Variants in MORN1 observed in about 807,000 individuals in gnomAD.
MORN1 encodes the protein MORN repeat-containing protein 1.
MORN1 carries 67 observed loss-of-function variants against 61.9 expected under a neutral mutation model. That is an observed-to-expected ratio of 1.08 (90% CI 0.89 to 1.33). The LOEUF is 1.33. Among genes scored for constraint, MORN1 ranks in the 40% most tolerant of loss-of-function variants. The pLI is 0.00. For missense variants in MORN1, 752 were observed against 691.2 expected (o/e 1.09, Z -0.99); for synonymous variants, 301 against 292.0 (o/e 1.03, Z -0.31).
At position 2,322,944 on chromosome 1, in the gene MORN1, C is replaced by G. The variant is rs930820067; in HGVS notation, c.1297+1153G>C. ...GCCACGTGATCTAGCCCTGGGCCAG[C>G]TCTCACTTAGGGCCTCGGCCATACG... is the stretch of plus-strand genomic sequence containing the variant. On this transcript the variant is annotated intron_variant, in intron 13 of 13. Transcript: ENST00000378531. The G allele has an allele frequency of 3.0e-6, 3 of 985,310 alleles. No homozygotes were observed. The African/African-American group carries it at 5.2e-5, about 17-fold the overall frequency. 61.0% of individuals were successfully genotyped at this position (985,310 alleles called of 1,614,324 possible). A position where few individuals can be genotyped will look rare whatever the true frequency, so the allele number is the denominator to read the frequency against.
At chr1:2,327,269 AAC>A (rs1404336748) in intron 12 of MORN1, among the ~76,000 whole-genome samples, 1 of 147,798 alleles carries the variant, frequency 6.8e-6, no homozygotes, top group Non-Finnish European at 1.5e-5. Flanking sequence ...CACAGAAACA[AAC>A]ACAGAGACAC....
chr1:2,330,053 A>G (rs1024181214), intron 12 of MORN1, among the ~76,000 whole-genome samples: 94 of 152,356 alleles, frequency 6.2e-4, no homozygotes, highest in African/African-American at 2.2e-3. Flanking sequence ...TCTTGGGGCC[A>G]GGGTGGGAGC....
intron 8 of MORN1, among the ~76,000 whole-genome samples, chr1:2,369,148 G>GAGATC (rs1269023803): frequency 1.3e-5 from 2 of 151,746 alleles, no homozygotes; most frequent in Non-Finnish European, 2.9e-5. Flanking sequence ...TCAGGAGATT[G>GAGATC]AGATCATCCT....
In MORN1 at chr1:2,391,440, G is replaced by A. The variant is rs1642661693; in HGVS notation, c.76+18C>T. On this transcript the variant is annotated intron_variant, in intron 1 of 13. Coordinates refer to ENST00000378531, the MANE Select transcript of MORN1 (RefSeq NM_024848.3). The stretch of plus-strand genomic sequence containing the variant: ...CCCAGGGCAGCCAGCGACCTGTCCC[G>A]TGGCCCGCAGTCGTTACCGTTCCGG... The A allele has an allele frequency of 1.4e-5, 17 of 1,256,548 alleles. No homozygotes were observed. The highest frequency in any genetic ancestry group is 1.7e-5 in the Non-Finnish European group (17 of 993,018). The allele number at this position is 1,256,548 out of a possible 1,614,324, so 77.8% of individuals were successfully genotyped here.
In MORN1 at chr1:2,336,492, TGCCGTGGGTGGTGTCCCCCTGGGGTGCAG is replaced by T; in HGVS notation, c.1198_1226del (p.Leu400ThrfsTer10). 3 of 1,612,510 alleles carry T rather than the reference TGCCGTGGGTGGTGTCCCCCTGGGGTGCAG, an allele frequency of 1.9e-6. No homozygotes were observed. Among genetic ancestry groups the T allele is most frequent in the Non-Finnish European group, 2.5e-6 (3 of 1,179,778 alleles). On this transcript the variant is annotated frameshift_variant, in exon 12 of 14. Coordinates refer to ENST00000378531, the MANE Select transcript of MORN1 (RefSeq NM_024848.3). LOFTEE classifies it high-confidence loss of function. ...ACCTGCTGCCTCCAGGAGGCTCCTG[TGCCGTGGGTGGTGTCCCCCTGGGGTGCAG>T]GCCGCCTCTGGATCTGCCGCCTGCC...
intron 12 of MORN1, among the ~76,000 whole-genome samples, chr1:2,335,840 GCC>G (rs1280962554): frequency 3.6e-4 from 55 of 151,332 alleles, no homozygotes; most frequent in African/African-American, 1.2e-3. Flanking sequence ...GCCCAGCCCA[GCC>G]CAGCGCGCAG....
At chr1:2,349,306 ACC>A (rs1641598166) in intron 10 of MORN1, among the ~76,000 whole-genome samples, 1 of 151,944 alleles carries the variant, frequency 6.6e-6, no homozygotes, top group African/African-American at 2.4e-5. Context: ...AGGCTGCTTA[ACC>A]CCAAGGGAGG....
intron 10 of MORN1, among the ~76,000 whole-genome samples, chr1:2,353,865 G>C (rs1641703434): frequency 6.6e-6 from 1 of 152,246 alleles, no homozygotes; most frequent in African/African-American, 2.4e-5. Flanking sequence ...TGGGAATTGG[G>C]AAGAAAAGTT....
At chr1:2,348,933 A>C (rs1442457943) in intron 10 of MORN1, among the ~76,000 whole-genome samples, 1 of 147,620 alleles carries the variant, frequency 6.8e-6, no homozygotes, top group Non-Finnish European at 1.5e-5. Context: ...TATGATGCAA[A>C]CCCCCAGTCC....
chr1:2,383,737 T>C (rs1280197920), intron 6 of MORN1, among the ~76,000 whole-genome samples: 1 of 152,208 alleles, frequency 6.6e-6, no homozygotes, highest in Non-Finnish European at 1.5e-5. Flanking sequence ...TCACAGCCCT[T>C]GCAGTCATGG....
chr1:2,358,757 C>T (rs532873172), intron 8 of MORN1, 42 bp from the exon 9 acceptor site: 1 of 1,581,996 alleles, frequency 6.3e-7, no homozygotes, highest in Admixed American at 1.8e-5. Flanking sequence ...TCACAGGCAC[C>T]CAGAAGCGGG....
At chr1:2,355,525 G>T in intron 10 of MORN1, 1 of 1,538,656 alleles carries the variant, frequency 6.5e-7, no homozygotes, top group Middle Eastern at 1.7e-4. Flanking sequence ...AGCTGGGTGA[G>T]GTTTCTGGGG....
chr1:2,339,036 G>A (rs960904948), intron 10 of MORN1, among the ~76,000 whole-genome samples: 18 of 152,166 alleles, frequency 1.2e-4, no homozygotes, highest in South Asian at 4.1e-4. Context: ...GGTTTGACAC[G>A]TGGGGTCCCC....
intron 10 of MORN1, among the ~76,000 whole-genome samples, chr1:2,348,276 G>A (rs897398583): frequency 6.6e-6 from 1 of 152,228 alleles, no homozygotes; most frequent in African/African-American, 2.4e-5. Flanking sequence ...TTTGGCAGGA[G>A]AGGCATGGAT....
chr1:2,344,623 C>T (rs570130390), intron 10 of MORN1, among the ~76,000 whole-genome samples: 6 of 152,330 alleles, frequency 3.9e-5, no homozygotes, highest in Non-Finnish European at 8.8e-5. Context: ...TCAGGGCAAG[C>T]GTGAGGACCC....
chr1:2,354,103 G>T (rs1226190314), intron 10 of MORN1, among the ~76,000 whole-genome samples: 1 of 152,036 alleles, frequency 6.6e-6, no homozygotes, highest in African/African-American at 2.4e-5. Flanking sequence ...TGGCCAACAC[G>T]GCGAAACCCC....
intron 8 of MORN1, among the ~76,000 whole-genome samples, chr1:2,364,876 C>T (rs376497450): frequency 0.1 from 15,685 of 151,774 alleles, 2,193 homozygotes; most frequent in African/African-American, 0.32. Flanking sequence ...GTTGTAGATA[C>T]GCAGCGTTAT....
chr1:2,335,925 G>T (rs995737572), intron 12 of MORN1, among the ~76,000 whole-genome samples: 8 of 151,700 alleles, frequency 5.3e-5, no homozygotes, highest in African/African-American at 2.0e-4. Flanking sequence ...CCGAGCCCCA[G>T]CTTCCTCCTG....
intron 3 of MORN1, 135 bp downstream of exon 3, chr1:2,388,104 C>G: frequency 1.5e-6 from 1 of 673,760 alleles, no homozygotes; most frequent in South Asian, 1.8e-5. Flanking sequence ...CCCAGGGCTT[C>G]TCGGTAGGCC....
Sources: gnomAD v4.1 joint callset for allele counts (sites outside exome capture counted in the v4.1 genomes callset) on GRCh38, gnomAD v4.1.1 for gene constraint, MANE v1.5 for transcripts, NCBI Gene and HGNC (gene_info 2026-07-23, HGNC 2026-07-21) for gene names.